Variants in DNAH11 observed in about 807,000 individuals in gnomAD.
DNAH11 encodes dynein axonemal heavy chain 11, also known as axonemal beta dynein heavy chain 11.
A neutral mutation model predicts 526.0 loss-of-function variants in DNAH11; 442 were observed. The ratio of observed to expected loss-of-function variants is 0.84; its 90% CI spans 0.78 to 0.91. The LOEUF is 0.91. Ranked by LOEUF, DNAH11 falls within the 40% of genes least tolerant of loss-of-function variation. The probability of loss-of-function intolerance (pLI) is 0.00; values close to 1 mark genes in which losing one functional copy is unlikely to be tolerated. For synonymous variants in DNAH11, 2,461 were observed against 1,935.9 expected (o/e 1.27, Z -7.12); for missense variants, 6,989 against 5,448.7 (o/e 1.28, Z -8.90).
chr7:21,789,808 T>TCTTTCTTTCTTTCTTTTTTC, intron 61 of DNAH11, among the ~76,000 whole-genome samples: 60 of 34,120 alleles, frequency 1.8e-3, no homozygotes, highest in African/African-American at 2.2e-3. Context: ...TTTCTTTCTT[T>TCTTTCTTTCTTTCTTTTTTC]TTTCTTTCTT....
At position 21,543,183 on chromosome 7, in the gene DNAH11, CG is replaced by C. The variant is rs754495872; in HGVS notation, c.-57del. 3.0e-5 allele frequency: 43 copies of C among 1,451,350 alleles called. No homozygotes were observed. In the African/African-American group the frequency reaches 5.3e-4, roughly 18 times the overall value. 89.9% of individuals were successfully genotyped at this position (1,451,350 alleles called of 1,614,324 possible). On this transcript the variant is annotated 5_prime_UTR_variant, in exon 1 of 82. Coordinates refer to ENST00000409508, the MANE Select transcript of DNAH11 (RefSeq NM_001277115.2). ...CCTGCGGAGGTGTCCTCGCTCACTT[CG>C]GGGGGCCCAGAGTCTCGGGTGAGGA... is the stretch of plus-strand genomic sequence containing the variant.
At chr7:21,823,261 C>G (rs914488088) in intron 65 of DNAH11, among the ~76,000 whole-genome samples, 6 of 151,994 alleles carry the variant, frequency 3.9e-5, no homozygotes, top group African/African-American at 1.4e-4. Context: ...GCCATTTTAC[C>G]AGTCTAACTC....
At chr7:21,587,752 A>G (rs567357855) in intron 9 of DNAH11, among the ~76,000 whole-genome samples, 3 of 152,308 alleles carry the variant, frequency 2.0e-5, no homozygotes, top group South Asian at 4.1e-4. Flanking sequence ...CTATTCTTAT[A>G]TCTGCAAAGC....
intron 74 of DNAH11, among the ~76,000 whole-genome samples, chr7:21,879,683 A>C (rs1322688655): frequency 6.6e-6 from 1 of 152,210 alleles, no homozygotes; most frequent in African/African-American, 2.4e-5. Flanking sequence ...CATATTAGGC[A>C]GCTTTGTTCC....
Position 21,600,217 on chromosome 7 carries a change from T to C in DNAH11, c.3000+98T>C, listed in dbSNP as rs72656001. 9,832 of 1,126,448 alleles carry C rather than the reference T, an allele frequency of 8.7e-3. 331 individuals carry two copies. The highest frequency in any genetic ancestry group is 0.076 in the South Asian group (3,713 of 49,014). 69.8% of individuals were successfully genotyped at this position (1,126,448 alleles called of 1,614,324 possible). On this transcript the variant is annotated intron_variant, in intron 15 of 81. Transcript: ENST00000409508. ...GCTCATGCTGGGAATCCCAGAACTT[T>C]GGGAGGCTGAGGCAAGAGGATTGCT...
chr7:21,844,170 C>G (rs559722538), intron 66 of DNAH11, among the ~76,000 whole-genome samples: 89 of 152,294 alleles, frequency 5.8e-4, no homozygotes, highest in African/African-American at 2.1e-3. Flanking sequence ...AATACCAACA[C>G]TTTGGAAAGC....
chr7:21,805,608 A>T (rs1242089178), intron 62 of DNAH11, among the ~76,000 whole-genome samples: 1 of 152,170 alleles, frequency 6.6e-6, no homozygotes, highest in Non-Finnish European at 1.5e-5. Context: ...GGTACCTGAG[A>T]AAAACTGTTA....
rs1370285235 is a variant in DNAH11, at chr7:21,564,292, A to G, written c.1089A>G (p.Pro363=). Residue 363 remains proline (P), a synonymous_variant, in exon 6 of 82, where the codon CCA becomes CCG. Coordinates refer to ENST00000409508, the MANE Select transcript of DNAH11 (RefSeq NM_001277115.2). ...CACAGACACGCATATTAATCGCTCC[A>G]TTATTTCATACCATCTGTCTGATCT... The part of the protein sequence containing the change: ...EFPQTRILIA[P]LFHTICLIWS... The G allele has an allele frequency of 6.2e-7, 1 of 1,613,700 alleles. No homozygotes were observed. The highest frequency in any genetic ancestry group is 1.7e-5 in the Admixed American group (1 of 59,958).
At chr7:21,741,588 T>G (rs1281390502) in intron 48 of DNAH11, among the ~76,000 whole-genome samples, 2 of 152,182 alleles carry the variant, frequency 1.3e-5, no homozygotes, top group Admixed American at 1.3e-4. Context: ...GGATAAACTG[T>G]CAGTTAATTT....
chr7:21,849,687 T>C (rs1217412630), intron 66 of DNAH11, among the ~76,000 whole-genome samples: 3 of 152,224 alleles, frequency 2.0e-5, no homozygotes. Flanking sequence ...GTAATTGTTA[T>C]CCTTGTTCCT....
chr7:21,718,667 A>G (rs1562507254), intron 43 of DNAH11, among the ~76,000 whole-genome samples: 1 of 152,174 alleles, frequency 6.6e-6, no homozygotes, highest in East Asian at 1.9e-4. Flanking sequence ...ATGAAGAAAA[A>G]CTATCCCCAG....
Position 21,738,754 on chromosome 7 carries a change from G to A in DNAH11, c.7699G>A (p.Gly2567Arg). ...AGCTGGTCATAACTATGGTCCTGGAGGAAATAAAAAATTGATTTATTTTAT... is the reference window on the plus strand; with the variant it reads ...AGCTGGTCATAACTATGGTCCTGGAAGAAATAAAAAATTGATTTATTTTAT... ...KKAGHNYGPG[G>R]NKKLIYFIDD... The change falls in exon 47 of 82, where the codon GGA becomes AGA. Residue 2567 changes from glycine to arginine, a missense_variant. Coordinates refer to ENST00000409508, the MANE Select transcript of DNAH11 (RefSeq NM_001277115.2). The A allele has an allele frequency of 6.3e-7, 1 of 1,588,446 alleles. No individual in the cohort carries two copies. Among genetic ancestry groups the A allele is most frequent in the East Asian group, 2.3e-5 (1 of 44,082 alleles).
chr7:21,620,558 C>T (rs1562706712), intron 25 of DNAH11, among the ~76,000 whole-genome samples: 2 of 151,816 alleles, frequency 1.3e-5, no homozygotes, highest in African/African-American at 2.4e-5. Flanking sequence ...GGATTTTATT[C>T]TTTTTTTTAA....
At chr7:21,681,496 A>G in intron 30 of DNAH11, 50 bp from the exon 31 acceptor site, 1 of 1,575,362 alleles carries the variant, frequency 6.3e-7, no homozygotes, top group Non-Finnish European at 8.6e-7. Context: ...GGGCTCTTAA[A>G]TTCTGTATTT....
rs1783579030 is a variant in DNAH11 at position 21,873,519 on chromosome 7, G to T, written c.12195+18G>T. The T allele has an allele frequency of 1.9e-6, 3 of 1,611,174 alleles. No individual in the cohort carries two copies. The Admixed American group carries it at 5.0e-5, about 27-fold the overall frequency. On this transcript the variant is annotated intron_variant, in intron 74 of 81. Coordinates refer to ENST00000409508, the MANE Select transcript of DNAH11 (RefSeq NM_001277115.2). ...TTGATCAGGTAAGAAAGCGAAGCAG[G>T]CTAGGCAGACAATGAAGTCAGAGTC...
At chr7:21,783,169 C>T (rs1788027067) in intron 57 of DNAH11, among the ~76,000 whole-genome samples, 1 of 152,042 alleles carries the variant, frequency 6.6e-6, no homozygotes, top group Non-Finnish European at 1.5e-5. Flanking sequence ...TTTCATGGTC[C>T]ATTCCTGGCA....
chr7:21,723,543 A>G (rs1264932378), intron 44 of DNAH11, among the ~76,000 whole-genome samples: 1 of 152,194 alleles, frequency 6.6e-6, no homozygotes, highest in East Asian at 1.9e-4. Context: ...ATAATTCATC[A>G]TCCACTCAGC....
chr7:21,747,493 T>A (rs1411959464), intron 51 of DNAH11, among the ~76,000 whole-genome samples: 1 of 152,254 alleles, frequency 6.6e-6, no homozygotes, highest in Non-Finnish European at 1.5e-5. Context: ...GCCTATATTT[T>A]GTTTTGTTGG....
At chr7:21,717,667 C>A in intron 42 of DNAH11, 108 bp from the exon 43 acceptor site, 1 of 1,321,326 alleles carries the variant, frequency 7.6e-7, no homozygotes, top group Non-Finnish European at 1.0e-6. Flanking sequence ...CTAAACGTGT[C>A]CTTGAAGTGT....
Sources: allele counts gnomAD v4.1 joint callset (sites outside exome capture counted in the v4.1 genomes callset), GRCh38; gene constraint gnomAD v4.1.1; transcripts MANE v1.5; gene names NCBI Gene and HGNC (gene_info 2026-07-23, HGNC 2026-07-21).